PLXNA4: variants seen among roughly 807,000 people sequenced by gnomAD.
PLXNA4 encodes plexin-A4.
PLXNA4 carries 44 observed loss-of-function variants against 191.8 expected under a neutral mutation model. The observed-to-expected ratio is 0.23, with a 90% CI of 0.18 to 0.29. The LOEUF (loss-of-function observed/expected upper bound fraction) is 0.29, where lower values mean the gene tolerates loss of function less well. Ranked by LOEUF, PLXNA4 falls within the 10% of genes least tolerant of loss-of-function variation. The probability of loss-of-function intolerance (pLI) is 1.00; values close to 1 mark genes in which losing one functional copy is unlikely to be tolerated. For missense variants in PLXNA4, 1,800 were observed against 2,488.8 expected (o/e 0.72, Z 5.89); for synonymous variants, 1,082 against 1,009.5 (o/e 1.07, Z -1.36).
chr7:132,185,583 C>A (rs60307877), intron 15 of PLXNA4, 120 bp from the exon 16 acceptor site: 181,501 of 1,391,054 alleles, frequency 0.13, 14,968 homozygotes, highest in African/African-American at 0.36. Flanking sequence ...TGGGTGGGTG[C>A]TCTCAGACAG....
chr7:132,564,008 T>TCC lies in PLXNA4; in HGVS notation c.-87+12413_-87+12414insGG, dbSNP rs1202906105. 4.1e-3 allele frequency among the ~76,000 whole-genome samples: 324 copies of TCC among 78,766 alleles called. 19 individuals carry two copies. The highest frequency in any genetic ancestry group is 0.016 in the African/African-American group (308 of 19,660). The allele number at this position is 78,766 out of a possible 152,430, so 51.7% of individuals were successfully genotyped here. The stretch of plus-strand genomic sequence containing the variant: ...CTCCTCCTCCTCCTTCTCCTCCTCC[T>TCC]TCTCCTCCTCCTTCTCCTCCTCCTT... On this transcript the variant is annotated intron_variant, in intron 1 of 31. Coordinates refer to ENST00000321063, the MANE Select transcript of PLXNA4 (RefSeq NM_020911.2).
At chr7:132,221,275 G>A (rs964311977) in intron 9 of PLXNA4, among the ~76,000 whole-genome samples, 4 of 152,194 alleles carry the variant, frequency 2.6e-5, no homozygotes, top group African/African-American at 4.8e-5. Flanking sequence ...CTTCTTGCAA[G>A]GTAATTAAAT....
At chr7:132,358,237 G>A (rs2116838683) in intron 3 of PLXNA4, among the ~76,000 whole-genome samples, 1 of 152,328 alleles carries the variant, frequency 6.6e-6, no homozygotes, top group East Asian at 1.9e-4. Context: ...TTCCAATTCA[G>A]ATGTTTGTCA....
chr7:132,461,422 C>T (rs1301389645), intron 3 of PLXNA4, among the ~76,000 whole-genome samples: 1 of 152,144 alleles, frequency 6.6e-6, no homozygotes, highest in Non-Finnish European at 1.5e-5. Flanking sequence ...AAGATCTGGA[C>T]CACAAAACCA....
chr7:132,537,424 T>A (rs989420157), intron 1 of PLXNA4, among the ~76,000 whole-genome samples: 3 of 152,242 alleles, frequency 2.0e-5, no homozygotes. Context: ...ACAATGAAAG[T>A]AGCCTCTTAG....
chr7:132,599,826 T>C (rs570002130), intron 2 of PLXNA4, among the ~76,000 whole-genome samples: 145 of 152,292 alleles, frequency 9.5e-4, no homozygotes, highest in African/African-American at 3.3e-3. Flanking sequence ...TTTTTCTTTT[T>C]TGGTGTATTT....
intron 2 of PLXNA4, among the ~76,000 whole-genome samples, chr7:132,605,767 C>G: frequency 6.6e-6 from 1 of 151,834 alleles, no homozygotes; most frequent in Admixed American, 6.6e-5. Flanking sequence ...CAGGGTGAAC[C>G]CTAATCCAAT....
intron 5 of PLXNA4, among the ~76,000 whole-genome samples, chr7:132,234,539 T>C (rs1247427598): frequency 3.3e-5 from 5 of 151,982 alleles, no homozygotes; most frequent in African/African-American, 1.2e-4. Flanking sequence ...GCTTTTCTAA[T>C]TTATATGGGA....
chr7:132,563,480 G>GCTCCTCCTCCTCCTTCTCCTC (rs1326779520), intron 1 of PLXNA4, among the ~76,000 whole-genome samples: 1 of 19,868 alleles, frequency 5.0e-5, no homozygotes, highest in African/African-American at 2.0e-4. Context: ...TCCTTCTGCT[G>GCTCCTCCTCCTCCTTCTCCTC]CTCCTCCTCC....
intron 3 of PLXNA4, chr7:132,384,245 A>T (rs1805020813): frequency 1.0e-6 from 1 of 985,374 alleles, no homozygotes; most frequent in Admixed American, 6.1e-5. Flanking sequence ...TAGCAACAGA[A>T]CAAATCTACA....
At chr7:132,570,548 A>G (rs777600367) in intron 1 of PLXNA4, among the ~76,000 whole-genome samples, 3 of 152,242 alleles carry the variant, frequency 2.0e-5, no homozygotes, top group Non-Finnish European at 2.9e-5. Context: ...AGTATGTCAG[A>G]TAAGGAACTG....
intron 14 of PLXNA4, among the ~76,000 whole-genome samples, chr7:132,192,612 G>C (rs1797128306): frequency 1.3e-5 from 2 of 152,096 alleles, no homozygotes; most frequent in Admixed American, 6.5e-5. Context: ...AACTCCCCAT[G>C]ACATATTTCA....
chr7:132,421,462 G>A (rs552754920), intron 3 of PLXNA4, among the ~76,000 whole-genome samples: 9 of 152,112 alleles, frequency 5.9e-5, no homozygotes, highest in South Asian at 2.1e-4. Flanking sequence ...AAATTCCCCC[G>A]TTCTGCTCAC....
chr7:132,403,674 TG>T (rs1242575588), intron 3 of PLXNA4, among the ~76,000 whole-genome samples: 1 of 151,964 alleles, frequency 6.6e-6, no homozygotes, highest in Non-Finnish European at 1.5e-5. Context: ...TCCCACCCCA[TG>T]GGAAGTGATG....
chr7:132,325,827 C>T (rs1382641466), intron 3 of PLXNA4, among the ~76,000 whole-genome samples: 1 of 152,212 alleles, frequency 6.6e-6, no homozygotes, highest in Non-Finnish European at 1.5e-5. Flanking sequence ...CAGTGGGTCA[C>T]TCTTGGCACT....
chr7:132,406,472 A>G (rs1028629241), intron 3 of PLXNA4, among the ~76,000 whole-genome samples: 1 of 152,156 alleles, frequency 6.6e-6, no homozygotes, highest in African/African-American at 2.4e-5. Context: ...CCATCTTTGG[A>G]TGCTATGGGA....
chr7:132,530,556 A>C (rs1799581781), intron 1 of PLXNA4, among the ~76,000 whole-genome samples: 1 of 152,266 alleles, frequency 6.6e-6, no homozygotes, highest in Non-Finnish European at 1.5e-5. Flanking sequence ...CACATCCACT[A>C]GAATGGCTAT....
chr7:132,503,002 A>G (rs1798316703), intron 2 of PLXNA4, among the ~76,000 whole-genome samples: 1 of 152,140 alleles, frequency 6.6e-6, no homozygotes, highest in Non-Finnish European at 1.5e-5. Flanking sequence ...TGACAGGGAG[A>G]TTGAGAAGCT....
intron 15 of PLXNA4, among the ~76,000 whole-genome samples, chr7:132,187,029 T>C (rs951044514): frequency 6.6e-6 from 1 of 152,222 alleles, no homozygotes. Context: ...TGAATTCTGA[T>C]TGACCAGCTG....
Sources: allele counts gnomAD v4.1 joint callset (sites outside exome capture counted in the v4.1 genomes callset), GRCh38; gene constraint gnomAD v4.1.1; transcripts MANE v1.5; gene names NCBI Gene and HGNC (gene_info 2026-07-23, HGNC 2026-07-21).